CCDC93: variants seen among roughly 807,000 people sequenced by gnomAD.
CCDC93 encodes coiled-coil domain-containing protein 93.
A neutral mutation model predicts 108.2 loss-of-function variants in CCDC93; 61 were observed. The observed-to-expected ratio is 0.56, with a 90% CI of 0.46 to 0.70. CCDC93 has a LOEUF of 0.70. Ranked by LOEUF, CCDC93 falls within the 30% of genes least tolerant of loss-of-function variation. The pLI is 0.00. For missense variants in CCDC93, 685 were observed against 764.2 expected, an observed-to-expected ratio of 0.90 and a Z score of 1.22; for synonymous variants, 276 against 260.4, an observed-to-expected ratio of 1.06 and a Z score of -0.58.
rs147943059 is a variant in CCDC93 at position 117,935,510 on chromosome 2, C to A, written c.1713G>T (p.Lys571Asn). ...RQMEQIVEGI[K>N]QSRMKMEKKK... is the part of the protein sequence containing the mutation. The stretch of plus-strand genomic sequence containing the variant: ...GCCATCTGACCTTCATTCTACTTTG[C>A]TTAATTCCTTCCACAATCTGTTCCA... Residue 571 changes from lysine (K) to asparagine (N), a missense_variant, in exon 22 of 24, where the codon AAG becomes AAT. Coordinates refer to ENST00000376300, the MANE Select transcript of CCDC93 (RefSeq NM_019044.5). 6.3e-5 allele frequency: 102 copies of A among 1,613,532 alleles called. No homozygotes were observed. The African/African-American group carries it at 1.2e-3, about 19-fold the overall frequency.
chr2:117,984,238 C>G (rs1245471604), intron 7 of CCDC93, among the ~76,000 whole-genome samples: 1 of 152,108 alleles, frequency 6.6e-6, no homozygotes, highest in Non-Finnish European at 1.5e-5. Flanking sequence ...AACCTAAAAC[C>G]TTCAGGAAAT....
chr2:117,963,387 C>T (rs1368289106), intron 11 of CCDC93, among the ~76,000 whole-genome samples: 2 of 152,200 alleles, frequency 1.3e-5, no homozygotes, highest in Admixed American at 6.5e-5. Context: ...TAACAAGATG[C>T]TGACACCTTT....
intron 11 of CCDC93, among the ~76,000 whole-genome samples, chr2:117,969,634 G>A (rs1679696698): frequency 6.7e-6 from 1 of 149,858 alleles, no homozygotes; most frequent in Non-Finnish European, 1.5e-5. Context: ...CTCATAACCA[G>A]GCCTTGTTGC....
In CCDC93 at chr2:117,945,686, G is replaced by A. The variant is rs144730707; in HGVS notation, c.1297-104C>T. 4.7e-4 allele frequency: 432 copies of A among 921,046 alleles called. 2 individuals carry two copies. The African/African-American group carries it at 6.5e-3, about 14-fold the overall frequency. The allele number at this position is 921,046 out of a possible 1,614,324, so 57.1% of individuals were successfully genotyped here. A position where few individuals can be genotyped will look rare whatever the true frequency, so the allele number is the denominator to read the frequency against. The stretch of plus-strand genomic sequence containing the variant: ...AGGGGCCAGGCAGGGGCATAAGGGT[G>A]CAGCTGAGAAATGTGTTGATGTCCC... On this transcript the variant is annotated intron_variant, in intron 16 of 23. Coordinates refer to ENST00000376300, the MANE Select transcript of CCDC93 (RefSeq NM_019044.5).
intron 7 of CCDC93, among the ~76,000 whole-genome samples, chr2:117,980,928 T>A (rs563248501): frequency 6.6e-6 from 1 of 152,336 alleles, no homozygotes; most frequent in South Asian, 2.1e-4. Context: ...TCTGGAGATT[T>A]CATAGAAATG....
chr2:117,921,987 T>G (rs577961136), intron 23 of CCDC93, among the ~76,000 whole-genome samples: 1 of 151,478 alleles, frequency 6.6e-6, no homozygotes, highest in Non-Finnish European at 1.5e-5. Flanking sequence ...GCTTGAGATG[T>G]ACTTGGGGGG....
rs947351576 is a variant in CCDC93 at position 117,956,902 on chromosome 2, T to C, written c.1005+1463A>G. 4.9e-4 allele frequency among the ~76,000 whole-genome samples: 75 copies of C among 152,160 alleles called. 2 individuals are homozygous for C. In the East Asian group the frequency reaches 0.013, roughly 26 times the overall value. Reference sequence around the variant, plus strand: ...GCCAACTGGTACCCATTTTTTTTTTTTTTTTGAGATGGAGTTTCGCTCTTG... The same window carrying C: ...GCCAACTGGTACCCATTTTTTTTTTCTTTTTGAGATGGAGTTTCGCTCTTG... On this transcript the variant is annotated intron_variant, in intron 12 of 23. Transcript: ENST00000376300.
chr2:118,000,645 G>C (rs1263717982), intron 4 of CCDC93, 176 bp downstream of exon 4: 1 of 569,718 alleles, frequency 1.8e-6, no homozygotes, highest in Non-Finnish European at 3.1e-6. Context: ...GTATATGCAG[G>C]ACTGGCAATC....
At chr2:117,990,030 G>A (rs1680430072) in intron 6 of CCDC93, among the ~76,000 whole-genome samples, 1 of 152,164 alleles carries the variant, frequency 6.6e-6, no homozygotes, top group South Asian at 2.1e-4. Flanking sequence ...TCATACAAAA[G>A]TCTAAACTAC....
intron 23 of CCDC93, among the ~76,000 whole-genome samples, chr2:117,929,735 C>T (rs1678262561): frequency 6.6e-6 from 1 of 152,180 alleles, no homozygotes; most frequent in African/African-American, 2.4e-5. Flanking sequence ...CTTCTGGGAC[C>T]TCAGCTGCAG....
intron 11 of CCDC93, among the ~76,000 whole-genome samples, chr2:117,970,849 G>C (rs945463422): frequency 6.6e-6 from 1 of 152,202 alleles, no homozygotes; most frequent in Non-Finnish European, 1.5e-5. Context: ...GCATATGCTG[G>C]GAAGTCCCTT....
chr2:117,947,071 G>A (rs910750351), intron 15 of CCDC93, among the ~76,000 whole-genome samples, 189 bp from the exon 16 acceptor site: 13 of 152,200 alleles, frequency 8.5e-5, no homozygotes, highest in African/African-American at 3.1e-4. Flanking sequence ...GCTACAGGCA[G>A]CTATTCCTCC....
At chr2:117,937,919 G>A (rs1421457478) in intron 20 of CCDC93, among the ~76,000 whole-genome samples, 1 of 152,160 alleles carries the variant, frequency 6.6e-6, no homozygotes, top group Non-Finnish European at 1.5e-5. Context: ...AGATCTACCT[G>A]GTTTGTCTGA....
chr2:117,995,763 C>A, intron 5 of CCDC93: 1 of 353,900 alleles, frequency 2.8e-6, no homozygotes, highest in Non-Finnish European at 5.2e-6. Flanking sequence ...GTTCTCATTT[C>A]AAATCCTCTT....
At chr2:117,937,427 A>G (rs187014254) in intron 20 of CCDC93, among the ~76,000 whole-genome samples, 1 of 152,352 alleles carries the variant, frequency 6.6e-6, no homozygotes, top group East Asian at 1.9e-4. Flanking sequence ...CTTTAGGTTC[A>G]CAGTCAGCAA....
intron 1 of CCDC93, among the ~76,000 whole-genome samples, chr2:118,009,285 C>T (rs1676960907): frequency 2.6e-5 from 4 of 152,086 alleles, no homozygotes; most frequent in African/African-American, 9.7e-5. Context: ...GCACAAGAAT[C>T]GCTTGAACCC....
At chr2:117,981,421 G>A (rs938849821) in intron 7 of CCDC93, among the ~76,000 whole-genome samples, 12 of 152,158 alleles carry the variant, frequency 7.9e-5, no homozygotes, top group Admixed American at 2.6e-4. Flanking sequence ...AGCCCTGCCC[G>A]TTTCCCCCAA....
intron 18 of CCDC93, 27 bp from the exon 19 acceptor site, chr2:117,941,324 G>C (rs199546020): frequency 1.9e-6 from 3 of 1,578,730 alleles, no homozygotes; most frequent in Non-Finnish European, 2.6e-6. Context: ...GACAGAGACA[G>C]TACTATTTGG....
At chr2:117,921,991 TG>T (rs1254161303) in intron 23 of CCDC93, among the ~76,000 whole-genome samples, 1 of 151,168 alleles carries the variant, frequency 6.6e-6, no homozygotes, top group Non-Finnish European at 1.5e-5. Context: ...GAGATGTACT[TG>T]GGGGGAAAAA....
Sources: allele counts gnomAD v4.1 joint callset (sites outside exome capture counted in the v4.1 genomes callset), GRCh38; gene constraint gnomAD v4.1.1; transcripts MANE v1.5; gene names NCBI Gene and HGNC (gene_info 2026-07-23, HGNC 2026-07-21).